ARHGAP6: variants seen among roughly 807,000 people sequenced by gnomAD.
The protein encoded by ARHGAP6 is rho GTPase-activating protein 6.
In ARHGAP6, 16 loss-of-function variants were observed where a neutral mutation model predicts 55.7. That is an observed-to-expected ratio of 0.29 (90% CI 0.19 to 0.44). The LOEUF is 0.44. Among genes scored for constraint, ARHGAP6 ranks in the 20% least tolerant of loss-of-function variants. The pLI, the probability that ARHGAP6 is intolerant of heterozygous loss-of-function variation, is 1.00. For missense variants in ARHGAP6, 698 were observed against 808.9 expected, an observed-to-expected ratio of 0.86 and a Z score of 1.66; for synonymous variants, 382 against 360.9, an observed-to-expected ratio of 1.06 and a Z score of -0.66.
At chrX:11,642,225 C>T (rs1439851562) in intron 1 of ARHGAP6, among the ~76,000 whole-genome samples, 1 of 111,635 alleles carries the variant, frequency 9.0e-6, no homozygotes, top group East Asian at 2.8e-4. Context: ...TGCTGGAGAC[C>T]TATTCCAACT....
intron 1 of ARHGAP6, among the ~76,000 whole-genome samples, chrX:11,562,138 G>A (rs946640720): frequency 8.0e-5 from 9 of 112,061 alleles, no homozygotes; most frequent in Admixed American, 6.6e-4. Context: ...ATTATGAAGG[G>A]ACTAGGCCAG....
At chrX:11,466,185 T>A (rs1219633825) in intron 1 of ARHGAP6, among the ~76,000 whole-genome samples, 1 of 111,695 alleles carries the variant, frequency 9.0e-6, no homozygotes, top group Non-Finnish European at 1.9e-5. Context: ...CACTCCTGAC[T>A]CCTGTACTAC....
intron 1 of ARHGAP6, among the ~76,000 whole-genome samples, chrX:11,340,589 C>A (rs1569306413): frequency 9.2e-6 from 1 of 108,895 alleles, no homozygotes; most frequent in East Asian, 2.8e-4. Context: ...ATTAGCCGGG[C>A]GTAGTGGCGG....
intron 2 of ARHGAP6, among the ~76,000 whole-genome samples, chrX:11,215,960 A>T (rs1468716129): frequency 9.1e-6 from 1 of 110,132 alleles, no homozygotes; most frequent in African/African-American, 3.3e-5. Flanking sequence ...GGTTACAGAT[A>T]CTCTTAGAGC....
At chrX:11,315,962 A>G (rs1243761973) in intron 1 of ARHGAP6, among the ~76,000 whole-genome samples, 1 of 111,839 alleles carries the variant, frequency 8.9e-6, no homozygotes, top group Non-Finnish European at 1.9e-5. Flanking sequence ...ATTCTTCTCT[A>G]TAGTGTTCCC....
At chrX:11,486,523 T>C (rs1330155406) in intron 1 of ARHGAP6, among the ~76,000 whole-genome samples, 3 of 111,833 alleles carry the variant, frequency 2.7e-5, no homozygotes, top group Non-Finnish European at 5.6e-5. Flanking sequence ...AAATAATAAA[T>C]CAGTTATAAT....
chrX:11,436,137 T>A (rs1300804554), intron 1 of ARHGAP6, among the ~76,000 whole-genome samples: 1 of 112,569 alleles, frequency 8.9e-6, no homozygotes, highest in Non-Finnish European at 1.9e-5. Context: ...TCGAAAAGCC[T>A]TCTTACCCAG....
intron 1 of ARHGAP6, among the ~76,000 whole-genome samples, chrX:11,522,390 C>T (rs2050939370): frequency 9.0e-6 from 1 of 111,039 alleles, no homozygotes; most frequent in African/African-American, 3.3e-5. Flanking sequence ...AAGATCAGAG[C>T]AGAACTGAAG....
intron 1 of ARHGAP6, among the ~76,000 whole-genome samples, chrX:11,475,555 G>T (rs1014186868): frequency 3.6e-5 from 3 of 84,062 alleles, no homozygotes; most frequent in African/African-American, 1.4e-4. Context: ...TAATATTAAA[G>T]AAACTACACA....
chrX:11,182,227 T>C, intron 5 of ARHGAP6, 109 bp from the exon 6 acceptor site: 1 of 555,112 alleles, frequency 1.8e-6, no homozygotes, highest in African/African-American at 2.3e-5. Context: ...TGTAGAGCAA[T>C]AGTAACTTGA....
At chrX:11,224,599 G>C (rs1299840713) in intron 2 of ARHGAP6, among the ~76,000 whole-genome samples, 2 of 111,112 alleles carry the variant, frequency 1.8e-5, no homozygotes, top group Non-Finnish European at 1.9e-5. Flanking sequence ...GGAATTTCCT[G>C]GGTTGGGGTG....
chrX:11,385,662 T>A (rs867139320), intron 1 of ARHGAP6, among the ~76,000 whole-genome samples: 9 of 111,973 alleles, frequency 8.0e-5, no homozygotes, highest in African/African-American at 2.6e-4. Flanking sequence ...TCTGTTTAAG[T>A]GTTTGAGGAA....
chrX:11,261,550 G>C (rs368692328), intron 1 of ARHGAP6, among the ~76,000 whole-genome samples: 4 of 111,520 alleles, frequency 3.6e-5, no homozygotes, highest in Middle Eastern at 4.2e-3. Context: ...GATCATCATG[G>C]AATTTTTTTA....
intron 1 of ARHGAP6, among the ~76,000 whole-genome samples, chrX:11,411,774 T>C (rs745546357): frequency 8.9e-6 from 1 of 112,199 alleles, no homozygotes; most frequent in East Asian, 2.8e-4. Flanking sequence ...CATTTGTAAA[T>C]AAGTACTTTT....
chrX:11,346,587 T>C (rs943683109), intron 1 of ARHGAP6, among the ~76,000 whole-genome samples: 3 of 110,601 alleles, frequency 2.7e-5, no homozygotes, highest in Non-Finnish European at 5.7e-5. Flanking sequence ...TGGGTGCCTA[T>C]AGTGCCAGCT....
At chrX:11,228,747 C>G (rs1478990603) in intron 2 of ARHGAP6, among the ~76,000 whole-genome samples, 2 of 112,222 alleles carry the variant, frequency 1.8e-5, no homozygotes, top group African/African-American at 3.2e-5. Flanking sequence ...AGAGTTGGCA[C>G]TTATTCAGAT....
chrX:11,475,856 T>C (rs2050398925), intron 1 of ARHGAP6, among the ~76,000 whole-genome samples: 1 of 108,701 alleles, frequency 9.2e-6, no homozygotes, highest in Non-Finnish European at 1.9e-5. Flanking sequence ...GAAGGACTTG[T>C]ATTTAGATTT....
intron 1 of ARHGAP6, among the ~76,000 whole-genome samples, chrX:11,614,098 C>T (rs780248077): frequency 9.9e-5 from 11 of 110,660 alleles, no homozygotes; most frequent in East Asian, 2.9e-4. Flanking sequence ...ACCTTTTCCA[C>T]GGCCCACCTA....
chrX:11,241,839 C>T (rs2047286917), intron 2 of ARHGAP6, among the ~76,000 whole-genome samples: 1 of 111,230 alleles, frequency 9.0e-6, no homozygotes, highest in Non-Finnish European at 1.9e-5. Flanking sequence ...CTATGTTTCC[C>T]TGGAGAAGAA....
Sources: gnomAD v4.1 joint callset for allele counts (sites outside exome capture counted in the v4.1 genomes callset) on GRCh38, gnomAD v4.1.1 for gene constraint, MANE v1.5 for transcripts, NCBI Gene and HGNC (gene_info 2026-07-23, HGNC 2026-07-21) for gene names.